Variants in ZNF570 observed in about 807,000 individuals in gnomAD.
ZNF570 encodes zinc finger protein 570.
Under a neutral mutation model 14.2 loss-of-function variants are expected in ZNF570, and 8 were observed. The ratio of observed to expected loss-of-function variants is 0.56; its 90% confidence interval spans 0.33 to 1.02. The LOEUF (loss-of-function observed/expected upper bound fraction) is 1.02. ZNF570 is among the 50% of genes least tolerant of loss of function. The pLI, the probability that ZNF570 is intolerant of heterozygous loss-of-function variation, is 0.03. For synonymous variants in ZNF570, 202 were observed against 207.6 expected (o/e 0.97, Z 0.23); for missense variants, 559 against 624.9 (o/e 0.89, Z 1.12).
chr19:37,474,954 T>G (rs2042006869), intron 2 of ZNF570, among the ~76,000 whole-genome samples: 1 of 144,752 alleles, frequency 6.9e-6, no homozygotes, highest in Admixed American at 7.1e-5. Context: ...TTTTTTTGTT[T>G]TGTTTTGTTT....
Position 37,484,252 on chromosome 19 carries a change from T to A in ZNF570, c.630T>A (p.Ser210Arg). The A allele has an allele frequency of 1.2e-6, 2 of 1,613,642 alleles. No individual in the cohort carries two copies. Among genetic ancestry groups the A allele is most frequent in the Non-Finnish European group, 1.7e-6 (2 of 1,179,938 alleles). The change falls in exon 5 of 5, where the codon AGT (serine) becomes AGA (arginine). Residue 210 changes from serine to arginine, a missense_variant. Physicochemically the swap from Ser to Arg is moderately radical, Grantham distance 110. Transcript: ENST00000330173. The part of the protein sequence containing the change: ...KKNLMAIKPK[S>R]VCAEKKLLKC... Reference sequence around the variant, plus strand: ...ATTTAATGGCTATTAAGCCCAAGAGTGTCTGTGCAGAGAAGAAACTTTTGA... The same window carrying A: ...ATTTAATGGCTATTAAGCCCAAGAGAGTCTGTGCAGAGAAGAAACTTTTGA...
At chr19:37,469,256 G>C (rs939621455), upstream of ZNF570, 9 of 1,390,330 alleles carry the variant, frequency 6.5e-6, no homozygotes, top group African/African-American at 1.3e-4. Context: ...ACACTGCGAC[G>C]CCGCGACCTT....
rs550154340 is a variant in ZNF570, at chr19:37,484,178, G to A, written c.556G>A (p.Glu186Lys). The change falls in exon 5 of 5, where the codon GAG becomes AAG. Residue 186 changes from glutamate to lysine, a missense_variant. Transcript: ENST00000330173. Reference protein sequence around the residue: ...LLCTQKIIPKEEKVHKHDTQK... With the variant: ...LLCTQKIIPKKEKVHKHDTQK... ...TTGTACACAAAAGATAATCCCCAAA[G>A]AGGAGAAAGTACATAAACATGACAC... 2.5e-6 allele frequency: 4 copies of A among 1,613,842 alleles called. No individual in the cohort carries two copies. Among genetic ancestry groups the A allele is most frequent in the Non-Finnish European group, 3.4e-6 (4 of 1,179,980 alleles).
At position 37,482,952 on chromosome 19, in the gene ZNF570, A is replaced by G. The variant is rs751964747; in HGVS notation, c.257-927A>G. Among the ~76,000 whole-genome samples the G allele has an allele frequency of 2.6e-4, 39 of 149,758 alleles. 1 individual carries two copies. Among genetic ancestry groups the G allele is most frequent in the Non-Finnish European group, 1.2e-4 (8 of 67,756 alleles). On this transcript the variant is annotated intron_variant, in intron 4 of 4. Transcript: ENST00000330173. ...CCCCTTCATCTTCTGCCATGATTGT[A>G]AGTTTCCCGAGGCCTTCTCAGCCAT... is the stretch of plus-strand genomic sequence containing the variant.
chr19:37,468,233 G>A (rs538194350), upstream of ZNF570, among the ~76,000 whole-genome samples: 6 of 151,952 alleles, frequency 3.9e-5, no homozygotes, highest in African/African-American at 1.4e-4. Flanking sequence ...CCACAATCAA[G>A]GGACACTCCG....
chr19:37,469,343 A>G, upstream of ZNF570: 2 of 1,413,632 alleles, frequency 1.4e-6, no homozygotes, highest in Non-Finnish European at 1.8e-6. Context: ...CCGGGGGCGG[A>G]GGCAGCTGAG....
In ZNF570 at chr19:37,484,315, A is replaced by T; in HGVS notation, c.693A>T (p.Ser231=). The part of the protein sequence containing the change: ...NDCEKVFSQS[S]SLTLHQRIHT... ...GTGAAAAAGTCTTCAGCCAGAGTTC[A>T]TCCCTTACTCTTCATCAAAGAATTC... Residue 231 remains serine, a synonymous_variant, in exon 5 of 5, where the codon TCA becomes TCT. Coordinates refer to ENST00000330173, the MANE Select transcript of ZNF570 (RefSeq NM_144694.5). 6.2e-7 allele frequency: 1 copy of T among 1,613,960 alleles called. No homozygotes were observed.
rs2041935893 is a variant in ZNF570 at position 37,470,348 on chromosome 19, A to G, written c.-7A>G. On this transcript the variant is annotated 5_prime_UTR_variant, in exon 2 of 5. Transcript: ENST00000330173. ...TTTCCCAAGAGAAGAGCCAGGAGGA[A>G]GAAAGAATGGCTGTTGGGCTTCTTA... 8 of 1,614,150 alleles carry G rather than the reference A, an allele frequency of 5.0e-6. No individual in the cohort carries two copies. Among genetic ancestry groups the G allele is most frequent in the Non-Finnish European group, 6.8e-6 (8 of 1,179,988 alleles).
At chr19:37,476,839 A>G (rs1452730029) in intron 4 of ZNF570, among the ~76,000 whole-genome samples, 1 of 150,502 alleles carries the variant, frequency 6.6e-6, no homozygotes, top group Non-Finnish European at 1.5e-5. Flanking sequence ...CCTTCCCAGG[A>G]GCTGGAATTA....
chr19:37,480,892 T>G (rs1027809225), intron 4 of ZNF570, among the ~76,000 whole-genome samples: 8 of 151,258 alleles, frequency 5.3e-5, no homozygotes, highest in Non-Finnish European at 1.2e-4. Context: ...CAAGGTACAG[T>G]GAGCTGAGAA....
chr19:37,483,611 A>G lies in ZNF570; in HGVS notation c.257-268A>G, dbSNP rs1265253167. Among the ~76,000 whole-genome samples, 5 of 152,346 alleles carry G rather than the reference A, an allele frequency of 3.3e-5. No individual in the cohort carries two copies. In the East Asian group the frequency reaches 9.6e-4, roughly 29 times the overall value. ...CAGTGTCTATTTTATGAATACAGGC[A>G]TAAAATTGTAACCAACTCTGACCAC... On this transcript the variant is annotated intron_variant, in intron 4 of 4. Transcript: ENST00000330173.
intron 4 of ZNF570, among the ~76,000 whole-genome samples, chr19:37,481,472 G>A (rs983620112): frequency 7.2e-5 from 11 of 152,136 alleles, no homozygotes; most frequent in African/African-American, 2.7e-4. Flanking sequence ...TTTTATGAGT[G>A]CTTTAAAGAT....
chr19:37,473,930 A>G (rs144537157), intron 2 of ZNF570, among the ~76,000 whole-genome samples: 130 of 152,276 alleles, frequency 8.5e-4, no homozygotes, highest in Middle Eastern at 3.4e-3. Context: ...TTAAAACTAG[A>G]TGTCTTTTAG....
chr19:37,473,887 G>A (rs1392894679), intron 2 of ZNF570, among the ~76,000 whole-genome samples: 1 of 152,200 alleles, frequency 6.6e-6, no homozygotes, highest in East Asian at 1.9e-4. Context: ...CACAAGGAGG[G>A]ATTGTGATTG....
At chr19:37,475,092 T>C (rs1328239131) in intron 2 of ZNF570, among the ~76,000 whole-genome samples, 1 of 151,600 alleles carries the variant, frequency 6.6e-6, no homozygotes, top group African/African-American at 2.4e-5. Flanking sequence ...GCCTCTGGAG[T>C]AGCTGGGACT....
intron 4 of ZNF570, among the ~76,000 whole-genome samples, chr19:37,476,961 C>T (rs2042032922): frequency 6.6e-6 from 1 of 152,120 alleles, no homozygotes; most frequent in East Asian, 1.9e-4. Flanking sequence ...CTGCCTCAGC[C>T]TTCCAAAGTG....
chr19:37,469,313 C>T (rs895764216), upstream of ZNF570: 139 of 1,415,916 alleles, frequency 9.8e-5, no homozygotes, highest in Non-Finnish European at 1.3e-4. Context: ...GGAGTTGGGC[C>T]GGCGGCCCCT....
intron 2 of ZNF570, among the ~76,000 whole-genome samples, chr19:37,470,856 C>G (rs1270084192): frequency 1.3e-5 from 2 of 151,058 alleles, no homozygotes; most frequent in African/African-American, 4.9e-5. Context: ...TGCGCCATCA[C>G]GCCCAGCTAA....
chr19:37,476,460 A>G, intron 4 of ZNF570, 26 bp downstream of exon 4: 1 of 1,607,744 alleles, frequency 6.2e-7, no homozygotes, highest in Non-Finnish European at 8.5e-7. Context: ...ATTGGCAAAA[A>G]TCTTTGCACG....
Sources: gnomAD v4.1 joint callset for allele counts (sites outside exome capture counted in the v4.1 genomes callset) on GRCh38, gnomAD v4.1.1 for gene constraint, MANE v1.5 for transcripts, NCBI Gene and HGNC (gene_info 2026-07-23, HGNC 2026-07-21) for gene names.